Variants in LIN7A observed in about 807,000 individuals in gnomAD.
The protein encoded by LIN7A is protein lin-7 homolog A.
LIN7A carries 25 observed loss-of-function variants against 29.8 expected under a neutral mutation model. That is an observed-to-expected ratio of 0.84 (90% CI 0.61 to 1.17). The LOEUF (loss-of-function observed/expected upper bound fraction) is 1.17. Among genes scored for constraint, LIN7A ranks in the 50% most tolerant of loss-of-function variants. The pLI is 0.00. For missense variants in LIN7A, 239 were observed against 287.0 expected (o/e 0.83, Z 1.21); for synonymous variants, 118 against 107.5 (o/e 1.10, Z -0.60).
intron 2 of LIN7A, among the ~76,000 whole-genome samples, chr12:80,877,464 T>G (rs1238856783): frequency 6.6e-6 from 1 of 152,098 alleles, no homozygotes; most frequent in African/African-American, 2.4e-5. Flanking sequence ...TTATAACATT[T>G]TAAACAAATA....
chr12:80,853,495 G>T (rs1338579865), intron 2 of LIN7A, among the ~76,000 whole-genome samples: 1 of 152,070 alleles, frequency 6.6e-6, no homozygotes, highest in Non-Finnish European at 1.5e-5. Context: ...GTTAAAAATG[G>T]GTTAAGTATT....
chr12:80,845,819 T>C lies in LIN7A; in HGVS notation c.394A>G (p.Ile132Val), dbSNP rs1242100592. The change falls in exon 4 of 6, where the codon ATT (isoleucine) becomes GTT (valine). Residue 132 changes from isoleucine to valine, a missense_variant. Physicochemically the swap from Ile to Val is conservative, Grantham distance 29. Coordinates refer to ENST00000552864, the MANE Select transcript of LIN7A (RefSeq NM_004664.4). The stretch of plus-strand genomic sequence containing the variant: ...CCAGGAATTATGCGAGAGATATAAA[T>C]GGGGGAATTTTGCTCCTTTCCTCCC... ...VMGGKEQNSP[I>V]YISRIIPGGV... 3 of 1,613,700 alleles carry C rather than the reference T, an allele frequency of 1.9e-6. No homozygotes were observed. Among genetic ancestry groups the C allele is most frequent in the East Asian group, 2.2e-5 (1 of 44,872 alleles).
intron 5 of LIN7A, among the ~76,000 whole-genome samples, chr12:80,807,063 G>GTTTTTTTTTTGTTT (rs1871029199): frequency 1.9e-5 from 1 of 53,592 alleles, no homozygotes; most frequent in African/African-American, 8.7e-5. Flanking sequence ...TGAAGATGGA[G>GTTTTTTTTTTGTTT]TTTTTTTTTT....
chr12:80,896,465 G>A (rs1875902547), intron 1 of LIN7A, among the ~76,000 whole-genome samples: 1 of 152,128 alleles, frequency 6.6e-6, no homozygotes, highest in Non-Finnish European at 1.5e-5. Context: ...GGTAAATAAT[G>A]CTTTGTACTT....
At chr12:80,845,965 T>G in intron 3 of LIN7A, 26 bp from the exon 4 acceptor site, 4 of 1,551,134 alleles carry the variant, frequency 2.6e-6, no homozygotes, top group Non-Finnish European at 3.5e-6. Flanking sequence ...AAAGATGGTC[T>G]TTTGGTAATA....
chr12:80,888,693 C>T (rs189549257), intron 2 of LIN7A, among the ~76,000 whole-genome samples: 87 of 152,196 alleles, frequency 5.7e-4, no homozygotes, highest in African/African-American at 2.1e-3. Flanking sequence ...TCCATCCCAC[C>T]ACAAGTCAAT....
rs1272296301 is a variant in LIN7A at position 80,796,780 on chromosome 12, G to C, written c.*947C>G. On this transcript the variant is annotated 3_prime_UTR_variant, in exon 6 of 6. Coordinates refer to ENST00000552864, the MANE Select transcript of LIN7A (RefSeq NM_004664.4). ...ATGACAGCACATCAGTGTGAGTAGA[G>C]TTTAGATTTCTTCAGTGTTTATCAA... 6.6e-6 allele frequency: 1 copy of C among 152,112 alleles called. No homozygotes were observed. The highest frequency in any genetic ancestry group is 1.5e-5 in the Non-Finnish European group (1 of 68,004). The allele number at this position is 152,112 out of a possible 1,614,324, so 9.4% of individuals were successfully genotyped here.
At position 80,794,575 on chromosome 12, in the gene LIN7A, T is replaced by A. The variant is rs1458199321; in HGVS notation, c.*3152A>T. 1 of 152,186 alleles carries A rather than the reference T, an allele frequency of 6.6e-6. No homozygotes were observed. Among genetic ancestry groups the A allele is most frequent in the Non-Finnish European group, 1.5e-5 (1 of 68,022 alleles). The allele number at this position is 152,186 out of a possible 1,614,324, so 9.4% of individuals were successfully genotyped here. On this transcript the variant is annotated 3_prime_UTR_variant, in exon 6 of 6. Transcript: ENST00000552864. ...GAAATGAGATAAGATCAGTTTGATGTCACAGTTGAAAACTGCATTTGTAAA... is the reference window on the plus strand; with the variant it reads ...GAAATGAGATAAGATCAGTTTGATGACACAGTTGAAAACTGCATTTGTAAA...
intron 2 of LIN7A, among the ~76,000 whole-genome samples, chr12:80,866,191 AT>A (rs776511373): frequency 6.6e-6 from 1 of 152,206 alleles, no homozygotes; most frequent in Non-Finnish European, 1.5e-5. Context: ...CTCACTTTTA[AT>A]TATTTTACAT....
chr12:80,912,308 T>TG (rs200290254), intron 1 of LIN7A, among the ~76,000 whole-genome samples: 5 of 152,000 alleles, frequency 3.3e-5, no homozygotes, highest in African/African-American at 9.7e-5. Context: ...GTATGGGGGT[T>TG]GGGGGGGATA....
At chr12:80,891,503 C>T (rs994478177) in intron 1 of LIN7A, among the ~76,000 whole-genome samples, 6 of 152,174 alleles carry the variant, frequency 3.9e-5, no homozygotes, top group Admixed American at 2.0e-4. Flanking sequence ...CATGTCATCA[C>T]CTGTTCCTGA....
intron 5 of LIN7A, among the ~76,000 whole-genome samples, chr12:80,810,229 C>G (rs993610550): frequency 1.3e-5 from 2 of 152,168 alleles, no homozygotes; most frequent in Admixed American, 6.5e-5. Context: ...CTCTCTACTT[C>G]TATGAATTAA....
intron 2 of LIN7A, among the ~76,000 whole-genome samples, chr12:80,871,622 C>T (rs1874431387): frequency 6.6e-6 from 1 of 151,662 alleles, no homozygotes; most frequent in Non-Finnish European, 1.5e-5. Context: ...CAAAAGAAAA[C>T]CAATACTTTT....
At chr12:80,818,435 G>A (rs1375886291) in intron 4 of LIN7A, among the ~76,000 whole-genome samples, 1 of 152,136 alleles carries the variant, frequency 6.6e-6, no homozygotes, top group Non-Finnish European at 1.5e-5. Context: ...GTAATGAAAA[G>A]GTTAAGAAAT....
intron 1 of LIN7A, among the ~76,000 whole-genome samples, chr12:80,921,617 G>T (rs1877313457): frequency 6.6e-6 from 1 of 151,652 alleles, no homozygotes; most frequent in Non-Finnish European, 1.5e-5. Flanking sequence ...ATCCCATCAG[G>T]GAGGCCCCAC....
intron 2 of LIN7A, among the ~76,000 whole-genome samples, chr12:80,853,196 A>C (rs926657185): frequency 1.4e-4 from 22 of 152,198 alleles, no homozygotes; most frequent in Admixed American, 1.1e-3. Flanking sequence ...TAAATGTTAT[A>C]TAGAACTATG....
intron 2 of LIN7A, among the ~76,000 whole-genome samples, chr12:80,870,664 C>A (rs1874382364): frequency 6.6e-6 from 1 of 152,030 alleles, no homozygotes; most frequent in Non-Finnish European, 1.5e-5. Flanking sequence ...ACTGGGAGAC[C>A]ACAAAGGGGT....
intron 4 of LIN7A, among the ~76,000 whole-genome samples, chr12:80,824,897 A>G (rs772275353): frequency 5.3e-5 from 8 of 152,226 alleles, no homozygotes; most frequent in Non-Finnish European, 1.0e-4. Context: ...ACAAACCACC[A>G]GCCAACATTA....
At chr12:80,818,343 G>T (rs576623718) in intron 4 of LIN7A, among the ~76,000 whole-genome samples, 2 of 152,242 alleles carry the variant, frequency 1.3e-5, no homozygotes, top group South Asian at 2.1e-4. Flanking sequence ...TATGTATACT[G>T]TAGTTTTTAT....
Sources: allele counts gnomAD v4.1 joint callset (sites outside exome capture counted in the v4.1 genomes callset), GRCh38; gene constraint gnomAD v4.1.1; transcripts MANE v1.5; gene names NCBI Gene and HGNC (gene_info 2026-07-23, HGNC 2026-07-21).